Variants in LRRC4C observed in about 807,000 individuals in gnomAD.
LRRC4C encodes the protein leucine-rich repeat-containing protein 4C.
LRRC4C carries 5 observed loss-of-function variants against 33.6 expected under a neutral mutation model. The ratio of observed to expected loss-of-function variants is 0.15; its 90% CI spans 0.08 to 0.31. The LOEUF (loss-of-function observed/expected upper bound fraction) is 0.31, where lower values mean the gene tolerates loss of function less well. LRRC4C is among the 10% of genes least tolerant of loss of function. The pLI is 1.00. For missense variants in LRRC4C, 560 were observed against 796.7 expected, an observed-to-expected ratio of 0.70 and a Z score of 3.58; for synonymous variants, 329 against 302.0, an observed-to-expected ratio of 1.09 and a Z score of -0.93.
intron 3 of LRRC4C, among the ~76,000 whole-genome samples, chr11:40,594,068 T>A (rs1046128394): frequency 6.6e-6 from 1 of 152,178 alleles, no homozygotes; most frequent in Non-Finnish European, 1.5e-5. Context: ...TTGGCCTGCT[T>A]TGTTTTCAAA....
chr11:40,606,071 C>T (rs907555571), intron 3 of LRRC4C, among the ~76,000 whole-genome samples: 3 of 152,154 alleles, frequency 2.0e-5, no homozygotes, highest in African/African-American at 7.2e-5. Flanking sequence ...TTGGTTGTCT[C>T]TCCCTCATGG....
intron 2 of LRRC4C, among the ~76,000 whole-genome samples, chr11:40,904,346 T>C (rs534742158): frequency 2.2e-4 from 33 of 152,284 alleles, no homozygotes; most frequent in Non-Finnish European, 3.7e-4. Context: ...CAGCTTTCTG[T>C]TTTTTAGGCT....
At chr11:40,258,114 T>C (rs540506041) in intron 4 of LRRC4C, among the ~76,000 whole-genome samples, 1 of 152,292 alleles carries the variant, frequency 6.6e-6, no homozygotes, top group Non-Finnish European at 1.5e-5. Context: ...TGTTTTATTT[T>C]CACCACGTTT....
intron 3 of LRRC4C, among the ~76,000 whole-genome samples, chr11:40,510,979 T>C (rs1459727448): frequency 6.6e-6 from 1 of 152,130 alleles, no homozygotes; most frequent in Non-Finnish European, 1.5e-5. Flanking sequence ...CCCAGGAAAA[T>C]ATTCTTAAAG....
intron 5 of LRRC4C, among the ~76,000 whole-genome samples, chr11:40,171,607 C>T (rs1177867632): frequency 2.0e-5 from 3 of 152,046 alleles, no homozygotes; most frequent in African/African-American, 7.3e-5. Context: ...GAAATGATCT[C>T]CTAGAAATAA....
intron 2 of LRRC4C, among the ~76,000 whole-genome samples, chr11:40,928,800 G>A (rs1379270695): frequency 3.3e-5 from 5 of 152,004 alleles, no homozygotes; most frequent in African/African-American, 1.2e-4. Flanking sequence ...AAAGAAAATT[G>A]GGGTAAGTTA....
chr11:40,344,238 T>C (rs568614986), intron 3 of LRRC4C, among the ~76,000 whole-genome samples: 1 of 152,086 alleles, frequency 6.6e-6, no homozygotes, highest in Non-Finnish European at 1.5e-5. Context: ...TGAACATACA[T>C]GCAAAAATCA....
At chr11:41,330,299 G>A (rs1262598454) in intron 1 of LRRC4C, among the ~76,000 whole-genome samples, 1 of 152,028 alleles carries the variant, frequency 6.6e-6, no homozygotes, top group Non-Finnish European at 1.5e-5. Context: ...CATTACTGTT[G>A]TGAGCACTAT....
chr11:41,170,430 G>A (rs1466890465), intron 1 of LRRC4C, among the ~76,000 whole-genome samples: 1 of 152,116 alleles, frequency 6.6e-6, no homozygotes, highest in Non-Finnish European at 1.5e-5. Flanking sequence ...GAACAGAACA[G>A]AGCCCTCAGA....
chr11:40,237,895 G>A (rs1458496981), intron 5 of LRRC4C, among the ~76,000 whole-genome samples: 2 of 152,176 alleles, frequency 1.3e-5, no homozygotes, highest in African/African-American at 4.8e-5. Flanking sequence ...CAGCACAAAT[G>A]AGAAGGGCTG....
intron 1 of LRRC4C, among the ~76,000 whole-genome samples, chr11:41,009,427 A>G (rs1855010428): frequency 1.3e-5 from 2 of 152,128 alleles, no homozygotes; most frequent in African/African-American, 4.8e-5. Context: ...TGGATTAGAG[A>G]CACTGATGTT....
At chr11:41,402,615 C>T (rs572483529) in intron 1 of LRRC4C, among the ~76,000 whole-genome samples, 1 of 151,872 alleles carries the variant, frequency 6.6e-6, no homozygotes. Flanking sequence ...AGTTAACTGT[C>T]AATGTATTTT....
chr11:40,383,346 G>T (rs901628413), intron 3 of LRRC4C, among the ~76,000 whole-genome samples: 7 of 152,078 alleles, frequency 4.6e-5, no homozygotes, highest in African/African-American at 7.2e-5. Flanking sequence ...GTTTGATATC[G>T]TGATTTGAAT....
intron 1 of LRRC4C, among the ~76,000 whole-genome samples, chr11:41,243,946 C>T (rs904052664): frequency 4.6e-5 from 7 of 152,042 alleles, no homozygotes; most frequent in Admixed American, 3.9e-4. Context: ...AAACAGAATC[C>T]ATGGTTTAGA....
At chr11:40,994,291 A>G (rs922782000) in intron 1 of LRRC4C, among the ~76,000 whole-genome samples, 2 of 152,146 alleles carry the variant, frequency 1.3e-5, no homozygotes, top group African/African-American at 4.8e-5. Flanking sequence ...TCTATTACCT[A>G]AAAGTGAGGT....
intron 5 of LRRC4C, among the ~76,000 whole-genome samples, chr11:40,176,566 G>T (rs1240035721): frequency 1.8e-4 from 27 of 148,874 alleles, no homozygotes; most frequent in African/African-American, 6.0e-4. Context: ...AAGAGACAGG[G>T]TCTCACTCTG....
At chr11:40,807,564 G>T (rs1313773819) in intron 2 of LRRC4C, among the ~76,000 whole-genome samples, 1 of 152,214 alleles carries the variant, frequency 6.6e-6, no homozygotes, top group African/African-American at 2.4e-5. Flanking sequence ...TGAAGACTGT[G>T]CCATTCCTTT....
At chr11:40,479,549 C>T (rs1953432564) in intron 3 of LRRC4C, among the ~76,000 whole-genome samples, 1 of 152,110 alleles carries the variant, frequency 6.6e-6, no homozygotes, top group Non-Finnish European at 1.5e-5. Flanking sequence ...CAGGGAAGAA[C>T]TGGATCAAAT....
intron 1 of LRRC4C, among the ~76,000 whole-genome samples, chr11:41,350,167 G>A (rs1274272230): frequency 6.6e-6 from 1 of 152,132 alleles, no homozygotes; most frequent in African/African-American, 2.4e-5. Context: ...GTATAGATCT[G>A]AGGTCCCCAG....
Sources: allele counts gnomAD v4.1 joint callset (sites outside exome capture counted in the v4.1 genomes callset), GRCh38; gene constraint gnomAD v4.1.1; transcripts MANE v1.5; gene names NCBI Gene and HGNC (gene_info 2026-07-23, HGNC 2026-07-21).